BBS10: variants seen among roughly 807,000 people sequenced by gnomAD.
BBS10 encodes the protein BBSome complex assembly protein BBS10.
A neutral mutation model predicts 12.7 loss-of-function variants in BBS10; 13 were observed. The observed-to-expected ratio is 1.03, with a 90% confidence interval of 0.67 to 1.63. The LOEUF is 1.63. Ranked by LOEUF, BBS10 falls within the 40% of genes most tolerant of loss-of-function variation. The probability of loss-of-function intolerance (pLI) is 0.00; values close to 1 mark genes in which losing one functional copy is unlikely to be tolerated. For missense variants in BBS10, 858 were observed against 858.0 expected, an observed-to-expected ratio of 1.00 and a Z score of 0.00; for synonymous variants, 294 against 304.8, an observed-to-expected ratio of 0.96 and a Z score of 0.37.
Position 76,346,562 on chromosome 12 carries a change from C to T in BBS10, c.1423G>A (p.Glu475Lys). The T allele has an allele frequency of 6.2e-7, 1 of 1,614,136 alleles. No homozygotes were observed. Among genetic ancestry groups the T allele is most frequent in the Non-Finnish European group, 8.5e-7 (1 of 1,179,996 alleles). ...GTTTTTTCCAATGCATCTTTGTTCT[C>T]TGCAACTGTGTCCTGATAAGGCCTT... ...IQRPYQDTVA[E>K]NKDALEKTQT... The change falls in exon 2 of 2, where the codon GAG becomes AAG. Residue 475 changes from glutamate (E) to lysine (K), a missense_variant. Transcript: ENST00000650064.
Position 76,347,788 on chromosome 12 carries a change from C to A in BBS10, c.198-1G>T. 1 of 1,600,304 alleles carries A rather than the reference C, an allele frequency of 6.2e-7. No homozygotes were observed. Among genetic ancestry groups the A allele is most frequent in the Non-Finnish European group, 8.5e-7 (1 of 1,179,700 alleles). On this transcript the variant is annotated splice_acceptor_variant, in intron 1 of 1. Transcript: ENST00000650064. LOFTEE classifies it high-confidence loss of function. ...ACTGGAAACACAGTCCACTATCATC[C>A]TGTACAAAAAAGAAATAAAGCAACT... is the stretch of plus-strand genomic sequence containing the variant.
chr12:76,347,613 A>T lies in BBS10; in HGVS notation c.372T>A (p.Ser124=), dbSNP rs143366878. Residue 124 remains serine, a synonymous_variant, in exon 2 of 2, where the codon TCT becomes TCA. Coordinates refer to ENST00000650064, the MANE Select transcript of BBS10 (RefSeq NM_024685.4). The part of the protein sequence containing the change: ...QTHGRHWKNC[S]RWKFISQALL... ...GAGCCTGGGAAATAAATTTCCACCGAGAACAATTTTTCCAATGCCTTCCAT... is the reference window on the plus strand; with the variant it reads ...GAGCCTGGGAAATAAATTTCCACCGTGAACAATTTTTCCAATGCCTTCCAT... The T allele has an allele frequency of 6.7e-5, 108 of 1,613,812 alleles. No homozygotes were observed. The highest frequency in any genetic ancestry group is 3.6e-5 in the Non-Finnish European group (43 of 1,180,032).
At position 76,347,798 on chromosome 12, in the gene BBS10, A is replaced by G; in HGVS notation, c.198-11T>C. 6.3e-7 allele frequency: 1 copy of G among 1,599,406 alleles called. No homozygotes were observed. The highest frequency in any genetic ancestry group is 1.1e-5 in the South Asian group (1 of 90,766). On this transcript the variant is annotated splice_polypyrimidine_tract_variant and intron_variant, in intron 1 of 1. Transcript: ENST00000650064. ...CAGTCCACTATCATCCTGTACAAAA[A>G]AGAAATAAAGCAACTCATTTTCAGA... is the stretch of plus-strand genomic sequence containing the variant.
chr12:76,344,997 G>A lies in BBS10; in HGVS notation c.*816C>T, dbSNP rs967845381. On this transcript the variant is annotated 3_prime_UTR_variant, in exon 2 of 2. Coordinates refer to ENST00000650064, the MANE Select transcript of BBS10 (RefSeq NM_024685.4). ...AATTGTCAAATTATTTGTTACTGTG[G>A]AACTCTGGCTATGCACCAGATACAA... 2 of 152,094 alleles carry A rather than the reference G, an allele frequency of 1.3e-5. No individual in the cohort carries two copies. Among genetic ancestry groups the A allele is most frequent in the African/African-American group, 4.8e-5 (2 of 41,418 alleles). 9.4% of individuals were successfully genotyped at this position (152,094 alleles called of 1,614,324 possible).
In BBS10 at chr12:76,347,683, G is replaced by A. The variant is rs1951772068; in HGVS notation, c.302C>T (p.Thr101Ile). The part of the protein sequence containing the change: ...CHLLRGLHAI[T>I]DREKDPLMCE... ...CATCAAAGGATCCTTTTCTCTGTCT[G>A]TGATTGCATGAAGTCCTCTAAGCAA... Residue 101 changes from threonine (T) to isoleucine (I), a missense_variant, in exon 2 of 2, where the codon ACA becomes ATA. Transcript: ENST00000650064. 1 of 1,612,822 alleles carries A rather than the reference G, an allele frequency of 6.2e-7. No homozygotes were observed. Among genetic ancestry groups the A allele is most frequent in the African/African-American group, 1.3e-5 (1 of 74,804 alleles).
chr12:76,347,913 C>A (rs1951775437), intron 1 of BBS10, 126 bp from the exon 2 acceptor site: 1 of 1,178,552 alleles, frequency 8.5e-7, no homozygotes, highest in Admixed American at 2.6e-5. Flanking sequence ...TTAGTTTTTT[C>A]CTTTCTTGGA....
chr12:76,345,175 A>G lies in BBS10; in HGVS notation c.*638T>C, dbSNP rs1335672168. On this transcript the variant is annotated 3_prime_UTR_variant, in exon 2 of 2. Transcript: ENST00000650064. ...GTTATATTTCAGGTAACATATATTCAAAGGTATATCAAAGGTGAAAATCTA... is the reference window on the plus strand; with the variant it reads ...GTTATATTTCAGGTAACATATATTCGAAGGTATATCAAAGGTGAAAATCTA... 1 of 152,364 alleles carries G rather than the reference A, an allele frequency of 6.6e-6. No homozygotes were observed. The highest frequency in any genetic ancestry group is 2.4e-5 in the African/African-American group (1 of 41,444). The allele number at this position is 152,364 out of a possible 1,614,324, so 9.4% of individuals were successfully genotyped here. A position where few individuals can be genotyped will look rare whatever the true frequency, so the allele number is the denominator to read the frequency against.
rs759682922 is a variant in BBS10, at chr12:76,346,594, G to C, written c.1391C>G (p.Ser464Ter). ...TGTGTCCTGATAAGGCCTTTGTATT[G>C]AGCCATTACCAGGATCTGGTGCTTG... Reference protein sequence around the residue: ...SYQAPDPGNGSIQRPYQDTVA... With the variant: ...SYQAPDPGNG Residue 464 changes from serine to a stop codon, truncating the protein, a stop_gained, in exon 2 of 2, where the codon TCA becomes TGA. Transcript: ENST00000650064. LOFTEE classifies it low-confidence loss of function (END_TRUNC). 3.7e-6 allele frequency: 6 copies of C among 1,614,042 alleles called. No homozygotes were observed. The highest frequency in any genetic ancestry group is 4.5e-5 in the East Asian group (2 of 44,874).
Position 76,346,289 on chromosome 12 carries a change from T to C in BBS10, c.1696A>G (p.Asn566Asp), listed in dbSNP as rs144402299. Residue 566 changes from asparagine to aspartate, a missense_variant, in exon 2 of 2, where the codon AAT (asparagine) becomes GAT (aspartate). Transcript: ENST00000650064. ...AACATGCTTCCCTTTCTAGTAATAT[T>C]TGTGACCTGTAAATTTTCGTAAGAA... Reference protein sequence around the residue: ...EISYENLQVTNITRKGSMLPV... With the variant: ...EISYENLQVTDITRKGSMLPV... 4.9e-5 allele frequency: 79 copies of C among 1,613,736 alleles called. No individual in the cohort carries two copies. The highest frequency in any genetic ancestry group is 1.1e-4 in the African/African-American group (8 of 75,030).
intron 1 of BBS10, 40 bp from the exon 2 acceptor site, chr12:76,347,827 C>G: frequency 6.3e-7 from 1 of 1,587,140 alleles, no homozygotes; most frequent in Non-Finnish European, 8.5e-7. Context: ...TTTCAGAAGG[C>G]TGGCTTCCCA....
chr12:76,348,407 A>G lies in BBS10; in HGVS notation c.-49T>C, dbSNP rs1951780197. On this transcript the variant is annotated 5_prime_UTR_variant, in exon 1 of 2. Coordinates refer to ENST00000650064, the MANE Select transcript of BBS10 (RefSeq NM_024685.4). ...ACCAGCTTGCAGAACACCCGGGCCG[A>G]CCGAAAACAGGGGTGGGAACGGCCG... 1.3e-6 allele frequency: 2 copies of G among 1,542,620 alleles called. No individual in the cohort carries two copies. The highest frequency in any genetic ancestry group is 1.7e-6 in the Non-Finnish European group (2 of 1,146,122).
chr12:76,347,081 G>T lies in BBS10; in HGVS notation c.904C>A (p.His302Asn). The change falls in exon 2 of 2, where the codon CAT becomes AAT. Residue 302 changes from histidine to asparagine, a missense_variant. By Grantham distance (68) the His-to-Asn change is moderately conservative (BLOSUM62 1). Coordinates refer to ENST00000650064, the MANE Select transcript of BBS10 (RefSeq NM_024685.4). ...ATGAGCAATTTTACATTCTGACTAT[G>T]TAGATGTTTCATTATTGCTTTTGTC... is the stretch of plus-strand genomic sequence containing the variant. ...EKTKAIMKHLHSQNVKLLISS... is the reference protein window; with the variant it reads ...EKTKAIMKHLNSQNVKLLISS... 1 of 1,613,016 alleles carries T rather than the reference G, an allele frequency of 6.2e-7. No individual in the cohort carries two copies. Among genetic ancestry groups the T allele is most frequent in the Non-Finnish European group, 8.5e-7 (1 of 1,179,788 alleles).
chr12:76,346,594 G>T lies in BBS10; in HGVS notation c.1391C>A (p.Ser464Ter), dbSNP rs759682922. The change falls in exon 2 of 2, where the codon TCA becomes TAA. Residue 464 changes from serine to a stop codon, truncating the protein, a stop_gained. Coordinates refer to ENST00000650064, the MANE Select transcript of BBS10 (RefSeq NM_024685.4). LOFTEE classifies it low-confidence loss of function (END_TRUNC). ...SYQAPDPGNGSIQRPYQDTVA... is the reference protein window; with the variant it reads ...SYQAPDPGNG ...TGTGTCCTGATAAGGCCTTTGTATTGAGCCATTACCAGGATCTGGTGCTTG... is the reference window on the plus strand; with the variant it reads ...TGTGTCCTGATAAGGCCTTTGTATTTAGCCATTACCAGGATCTGGTGCTTG... The T allele has an allele frequency of 6.2e-7, 1 of 1,614,042 alleles. No individual in the cohort carries two copies. The highest frequency in any genetic ancestry group is 1.7e-5 in the Admixed American group (1 of 60,018).
Position 76,346,340 on chromosome 12 carries a change from A to C in BBS10, c.1645T>G (p.Ser549Ala). ...ATTTCTATTCTATTTCCCCTTGTTG[A>C]ATAAGCAGTGGAATTGTTCTTGAGT... ...PLLKNNSTAY[S>A]TRGNRIEISY... Residue 549 changes from serine (S) to alanine (A), a missense_variant, in exon 2 of 2, where the codon TCA becomes GCA. Transcript: ENST00000650064. 6.2e-7 allele frequency: 1 copy of C among 1,614,012 alleles called. No homozygotes were observed. Among genetic ancestry groups the C allele is most frequent in the Non-Finnish European group, 8.5e-7 (1 of 1,179,934 alleles).
chr12:76,348,388 T>A lies in BBS10; in HGVS notation c.-30A>T. On this transcript the variant is annotated 5_prime_UTR_variant, in exon 1 of 2. It adds an upstream start codon to the 5' untranslated region. Transcript: ENST00000650064. ...GGGCCGCTTCCCCTTTTTGACCAGC[T>A]TGCAGAACACCCGGGCCGACCGAAA... 6.4e-7 allele frequency: 1 copy of A among 1,552,914 alleles called. No homozygotes were observed.
Position 76,346,434 on chromosome 12 carries a change from G to A in BBS10, c.1551C>T (p.Phe517=). The A allele has an allele frequency of 6.2e-7, 1 of 1,614,134 alleles. No homozygotes were observed. The highest frequency in any genetic ancestry group is 8.5e-7 in the Non-Finnish European group (1 of 1,179,984). The change falls in exon 2 of 2, where the codon TTC becomes TTT. Residue 517 remains phenylalanine, a synonymous_variant. Transcript: ENST00000650064. ...AACATGTCAGCGTTTCAACTGTTTG[G>A]AATGTATCTGTTGGTGTCAGTGTGG... ...STPTLTPTDT[F]QTVETLTCLS...
Position 76,347,628 on chromosome 12 carries a change from A to G in BBS10, c.357T>C (p.His119=), listed in dbSNP as rs201401485. The G allele has an allele frequency of 1.2e-6, 2 of 1,613,898 alleles. No homozygotes were observed. The highest frequency in any genetic ancestry group is 1.7e-6 in the Non-Finnish European group (2 of 1,180,008). The part of the protein sequence containing the change: ...MCENIQTHGR[H]WKNCSRWKFI... ...ATTTCCACCGAGAACAATTTTTCCAATGCCTTCCATGGGTTTGAATGTTTT... is the reference window on the plus strand; with the variant it reads ...ATTTCCACCGAGAACAATTTTTCCAGTGCCTTCCATGGGTTTGAATGTTTT... The change falls in exon 2 of 2, where the codon CAT becomes CAC. Residue 119 remains histidine (H), a synonymous_variant. Transcript: ENST00000650064.
Position 76,347,523 on chromosome 12 carries a change from CA to C in BBS10, c.461del (p.Leu154CysfsTer17). On this transcript the variant is annotated frameshift_variant, in exon 2 of 2. Transcript: ENST00000650064. LOFTEE classifies it low-confidence loss of function (END_TRUNC). ...IMDQYLSRHF[L>X]SIFSSAKERT... ...TCTCTTTAGCAGACGAAAAGATAGACAAAAAGTGTCTACTTAGGTACTGGTC... is the reference window on the plus strand; with the variant it reads ...TCTCTTTAGCAGACGAAAAGATAGACAAAAGTGTCTACTTAGGTACTGGTC... 1 of 1,613,662 alleles carries C rather than the reference CA, an allele frequency of 6.2e-7. No individual in the cohort carries two copies. Among genetic ancestry groups the C allele is most frequent in the South Asian group, 1.1e-5 (1 of 91,076 alleles).
chr12:76,347,271 A>G lies in BBS10; in HGVS notation c.714T>C (p.Gly238=). The change falls in exon 2 of 2, where the codon GGT becomes GGC. Residue 238 remains glycine (G), a synonymous_variant. Coordinates refer to ENST00000650064, the MANE Select transcript of BBS10 (RefSeq NM_024685.4). ...CAGAAAAATCTTTCTGAAGCACAAG[A>G]CCAGCTATGATCCTGGAATCTGAAA... ...LPVSDSRIIA[G]LVLQKDFSVY... 1 of 1,613,676 alleles carries G rather than the reference A, an allele frequency of 6.2e-7. No homozygotes were observed. The highest frequency in any genetic ancestry group is 1.1e-5 in the South Asian group (1 of 91,078).
Sources: gnomAD v4.1 joint callset for allele counts on GRCh38, gnomAD v4.1.1 for gene constraint, MANE v1.5 for transcripts, NCBI Gene and HGNC (gene_info 2026-07-23, HGNC 2026-07-21) for gene names.